The following LDB2 variants were observed in gnomAD, a reference collection of about 807,000 sequenced individuals.
LDB2 encodes the protein LIM domain-binding protein 2.
Under a neutral mutation model 44.3 loss-of-function variants are expected in LDB2, and 12 were observed. That is an observed-to-expected ratio of 0.27 (90% CI 0.17 to 0.44). The LOEUF (loss-of-function observed/expected upper bound fraction) is 0.44. LDB2 is among the 20% of genes least tolerant of loss of function. The probability of loss-of-function intolerance (pLI) is 1.00; values close to 1 mark genes in which losing one functional copy is unlikely to be tolerated. For missense variants in LDB2, 344 were observed against 473.5 expected (o/e 0.73, Z 2.54); for synonymous variants, 164 against 174.8 (o/e 0.94, Z 0.49).
At chr4:16,891,484 T>C (rs1580537647) in intron 1 of LDB2, among the ~76,000 whole-genome samples, 1 of 152,044 alleles carries the variant, frequency 6.6e-6, no homozygotes, top group Non-Finnish European at 1.5e-5. Context: ...GGTTAATTTT[T>C]GTATTTTTAG....
chr4:16,566,038 AAG>A (rs1027243032), intron 5 of LDB2, among the ~76,000 whole-genome samples: 1 of 152,050 alleles, frequency 6.6e-6, no homozygotes, highest in African/African-American at 2.4e-5. Flanking sequence ...AGATCTCAAA[AAG>A]GAGTTCATTG....
chr4:16,731,199 T>G (rs889566809), intron 2 of LDB2, among the ~76,000 whole-genome samples: 4 of 152,102 alleles, frequency 2.6e-5, no homozygotes, highest in African/African-American at 9.7e-5. Flanking sequence ...TGGAATGGAA[T>G]GGAATGAAAT....
intron 5 of LDB2, among the ~76,000 whole-genome samples, chr4:16,572,221 A>G (rs947423628): frequency 1.2e-4 from 19 of 152,110 alleles, no homozygotes; most frequent in Non-Finnish European, 2.2e-4. Context: ...TTCCTGATAT[A>G]CTGTTTTTTT....
At chr4:16,813,009 CTTTT>C (rs1416693833) in intron 1 of LDB2, among the ~76,000 whole-genome samples, 1 of 148,210 alleles carries the variant, frequency 6.7e-6, no homozygotes, top group Non-Finnish European at 1.5e-5. Context: ...TTTTTTTTTT[CTTTT>C]TTGAGACAGG....
intron 5 of LDB2, among the ~76,000 whole-genome samples, chr4:16,547,900 A>G (rs997492248): frequency 1.3e-5 from 2 of 152,122 alleles, no homozygotes; most frequent in Non-Finnish European, 2.9e-5. Context: ...TTATTTTTAA[A>G]TAAATTTAAA....
intron 5 of LDB2, among the ~76,000 whole-genome samples, chr4:16,526,475 T>C (rs1728270627): frequency 6.6e-6 from 1 of 152,202 alleles, no homozygotes; most frequent in Non-Finnish European, 1.5e-5. Context: ...ATTGCAGATA[T>C]CTACTGCAGA....
At chr4:16,518,553 T>A (rs1310671248) in intron 5 of LDB2, among the ~76,000 whole-genome samples, 3 of 151,422 alleles carry the variant, frequency 2.0e-5, no homozygotes, top group African/African-American at 7.3e-5. Flanking sequence ...TTTGGCAAAC[T>A]ATGACCTGTG....
chr4:16,746,233 T>C (rs1351594774), intron 2 of LDB2, among the ~76,000 whole-genome samples: 1 of 152,248 alleles, frequency 6.6e-6, no homozygotes, highest in Non-Finnish European at 1.5e-5. Flanking sequence ...ATTATTAGAA[T>C]GTTTATCATT....
chr4:16,800,145 G>C (rs551701216), intron 1 of LDB2, among the ~76,000 whole-genome samples: 1 of 54,256 alleles, frequency 1.8e-5, no homozygotes, highest in East Asian at 2.9e-4. Context: ...TTACCTTACT[G>C]TCAGGAAAAA....
chr4:16,780,197 A>G (rs1772875997), intron 1 of LDB2, among the ~76,000 whole-genome samples: 1 of 152,178 alleles, frequency 6.6e-6, no homozygotes, highest in African/African-American at 2.4e-5. Context: ...GAGACTACAC[A>G]GAAGTGAGAT....
intron 2 of LDB2, among the ~76,000 whole-genome samples, chr4:16,711,384 A>G (rs1209167561): frequency 6.6e-6 from 1 of 152,226 alleles, no homozygotes; most frequent in African/African-American, 2.4e-5. Context: ...AAGCATGTGC[A>G]CCATTGGGCA....
chr4:16,811,602 GT>G (rs1298857642), intron 1 of LDB2, among the ~76,000 whole-genome samples: 2 of 152,164 alleles, frequency 1.3e-5, no homozygotes, highest in Non-Finnish European at 2.9e-5. Flanking sequence ...TGTAAATGTA[GT>G]TTATCTAACC....
intron 2 of LDB2, among the ~76,000 whole-genome samples, chr4:16,714,537 G>T (rs1271708297): frequency 6.6e-6 from 1 of 152,084 alleles, no homozygotes; most frequent in Non-Finnish European, 1.5e-5. Flanking sequence ...GGCTTCCAAG[G>T]TCTCTTCTAT....
intron 1 of LDB2, among the ~76,000 whole-genome samples, chr4:16,824,984 T>C (rs1374054440): frequency 6.6e-6 from 1 of 152,184 alleles, no homozygotes; most frequent in Non-Finnish European, 1.5e-5. Flanking sequence ...TGGTATATGG[T>C]AGATGCAGAG....
intron 1 of LDB2, among the ~76,000 whole-genome samples, chr4:16,857,280 T>G (rs2110229247): frequency 6.6e-6 from 1 of 152,324 alleles, no homozygotes; most frequent in East Asian, 1.9e-4. Flanking sequence ...TTACGTGCCC[T>G]TTTTATTCCT....
chr4:16,512,971 G>C (rs977932891), intron 5 of LDB2, among the ~76,000 whole-genome samples: 1 of 152,236 alleles, frequency 6.6e-6, no homozygotes, highest in Non-Finnish European at 1.5e-5. Context: ...TATGAGGACA[G>C]AGACCACAAT....
rs1016927479 is a variant in LDB2, at chr4:16,879,091, C to T, written c.132+19263G>A. On this transcript the variant is annotated intron_variant, in intron 1 of 7. Transcript: ENST00000304523. ...AGAAATGCCAATGTCTGTTTTTATG[C>T]GGTATTGTATGCTAAACACCTGGCT... is the stretch of plus-strand genomic sequence containing the variant. Among the ~76,000 whole-genome samples the T allele has an allele frequency of 6.6e-5, 10 of 152,156 alleles. No homozygotes were observed. The East Asian group carries it at 7.7e-4, about 12-fold the overall frequency.
chr4:16,657,658 T>A (rs76309078), intron 2 of LDB2, among the ~76,000 whole-genome samples: 105 of 152,356 alleles, frequency 6.9e-4, no homozygotes, highest in Non-Finnish European at 1.3e-3. Context: ...TTTCCTTCTG[T>A]TTCTTGGACC....
Position 16,586,117 on chromosome 4 carries a change from T to C in LDB2, c.532-112A>G, listed in dbSNP as rs745381209. ...TGCAATCTCGACATTGTTGATTTTA[T>C]TTGGAGGGCAGGCTGCTGGAGGTAA... On this transcript the variant is annotated intron_variant, in intron 4 of 7. Coordinates refer to ENST00000304523, the MANE Select transcript of LDB2 (RefSeq NM_001290.5). 7.8e-5 allele frequency: 61 copies of C among 786,934 alleles called. No homozygotes were observed. In the Middle Eastern group the frequency reaches 9.4e-4, roughly 12 times the overall value. 48.7% of individuals were successfully genotyped at this position (786,934 alleles called of 1,614,324 possible). A position where few individuals can be genotyped will look rare whatever the true frequency, so the allele number is the denominator to read the frequency against.
Sources: allele counts gnomAD v4.1 joint callset (sites outside exome capture counted in the v4.1 genomes callset), GRCh38; gene constraint gnomAD v4.1.1; transcripts MANE v1.5; gene names NCBI Gene and HGNC (gene_info 2026-07-23, HGNC 2026-07-21).